The following ITGA11 variants were observed in gnomAD, a reference collection of about 807,000 sequenced individuals.
The protein encoded by ITGA11 is integrin alpha-11.
In ITGA11, 97 loss-of-function variants were observed where a neutral mutation model predicts 141.9. That is an observed-to-expected ratio of 0.68 (90% confidence interval 0.58 to 0.81). The LOEUF (loss-of-function observed/expected upper bound fraction) is 0.81, where lower values mean the gene tolerates loss of function less well. Ranked by LOEUF, ITGA11 falls within the 30% of genes least tolerant of loss-of-function variation. The pLI is 0.00. For synonymous variants in ITGA11, 658 were observed against 624.6 expected, an observed-to-expected ratio of 1.05 and a Z score of -0.80; for missense variants, 1,387 against 1,559.2, an observed-to-expected ratio of 0.89 and a Z score of 1.86.
chr15:68,349,601 T>C (rs1477170649), intron 9 of ITGA11, among the ~76,000 whole-genome samples: 2 of 152,238 alleles, frequency 1.3e-5, no homozygotes, highest in Non-Finnish European at 2.9e-5. Context: ...CGTGTGTCTG[T>C]GGCTTGTCAT....
At chr15:68,388,470 A>T (rs1896038199) in intron 2 of ITGA11, among the ~76,000 whole-genome samples, 1 of 152,116 alleles carries the variant, frequency 6.6e-6, no homozygotes. Context: ...TACCCTGCTT[A>T]ATGTTTTTCC....
In ITGA11 at chr15:68,303,942, G is replaced by T. The variant is rs952227579; in HGVS notation, c.3382-57C>A. 2 of 1,138,060 alleles carry T rather than the reference G, an allele frequency of 1.8e-6. No homozygotes were observed. Among genetic ancestry groups the T allele is most frequent in the Admixed American group, 1.7e-5 (1 of 57,394 alleles). The allele number at this position is 1,138,060 out of a possible 1,614,324, so 70.5% of individuals were successfully genotyped here. A position where few individuals can be genotyped will look rare whatever the true frequency, so the allele number is the denominator to read the frequency against. Reference sequence around the variant, plus strand: ...TTACTCTTCTGGGGCTGGGGTGGCAGTCTGGGAGGGGCAGGAGGGTGGAGA... The same window carrying T: ...TTACTCTTCTGGGGCTGGGGTGGCATTCTGGGAGGGGCAGGAGGGTGGAGA... On this transcript the variant is annotated intron_variant, in intron 28 of 29. Coordinates refer to ENST00000315757, the MANE Select transcript of ITGA11 (RefSeq NM_001004439.2). The surrounding 1 kb of genome is among the most constrained non-coding windows in gnomAD (Gnocchi z 5.3).
At position 68,305,205 on chromosome 15, in the gene ITGA11, C is replaced by G. The variant is rs1053901883; in HGVS notation, c.3382-1320G>C. On this transcript the variant is annotated intron_variant, in intron 28 of 29. Transcript: ENST00000315757. The surrounding 1 kb of genome is among the most constrained non-coding windows in gnomAD (Gnocchi z 4.6). ...CGTGCCTGCTGTAGGCATTGCTATT[C>G]CCTCTGCCTGCAAGGGTTTCCCTCA... 2.6e-5 allele frequency among the ~76,000 whole-genome samples: 4 copies of G among 152,210 alleles called. No homozygotes were observed. The South Asian group carries it at 6.2e-4, about 24-fold the overall frequency.
chr15:68,399,611 G>A (rs1037310829), intron 2 of ITGA11, among the ~76,000 whole-genome samples: 1 of 152,012 alleles, frequency 6.6e-6, no homozygotes, highest in African/African-American at 2.4e-5. Context: ...TATACACCAC[G>A]GAATACTACA....
intron 2 of ITGA11, among the ~76,000 whole-genome samples, chr15:68,383,014 G>A (rs887978121): frequency 6.6e-5 from 10 of 152,226 alleles, no homozygotes; most frequent in Non-Finnish European, 1.3e-4. Flanking sequence ...GCTCACGCCT[G>A]TAATCTCAGC....
intron 1 of ITGA11, among the ~76,000 whole-genome samples, chr15:68,423,147 G>A (rs7165603): frequency 0.67 from 102,239 of 151,788 alleles, 34,800 homozygotes; most frequent in African/African-American, 0.76. Context: ...TATGTCTCGC[G>A]CTGTGCAAGA....
intron 23 of ITGA11, among the ~76,000 whole-genome samples, 171 bp downstream of exon 23, chr15:68,313,608 A>T (rs1893466839): frequency 6.6e-6 from 1 of 151,824 alleles, no homozygotes; most frequent in Non-Finnish European, 1.5e-5. Flanking sequence ...CCCACATTGG[A>T]TGGGGGTGCT....
intron 2 of ITGA11, among the ~76,000 whole-genome samples, chr15:68,401,175 A>C (rs1367556941): frequency 6.6e-6 from 1 of 151,460 alleles, no homozygotes; most frequent in Non-Finnish European, 1.5e-5. Flanking sequence ...ACACACAACT[A>C]GAATGACTAA....
chr15:68,356,254 C>A (rs1055302105), intron 7 of ITGA11, among the ~76,000 whole-genome samples: 31 of 151,628 alleles, frequency 2.0e-4, no homozygotes, highest in African/African-American at 7.5e-4. Context: ...TGCCGCCATG[C>A]CCGGCTAATT....
chr15:68,327,756 G>GGCTGCCTCTTCC (rs113619703), intron 16 of ITGA11, among the ~76,000 whole-genome samples: 1 of 151,730 alleles, frequency 6.6e-6, no homozygotes, highest in African/African-American at 2.4e-5. Context: ...GGACTCCTGG[G>GGCTGCCTCTTCC]TCTGCATCCA....
At position 68,395,784 on chromosome 15, in the gene ITGA11, A is replaced by G. The variant is rs137931883; in HGVS notation, c.164+7134T>C. Among the ~76,000 whole-genome samples the G allele has an allele frequency of 2.1e-3, 305 of 142,052 alleles. 3 individuals are homozygous for G. The highest frequency in any genetic ancestry group is 7.9e-3 in the African/African-American group (293 of 36,914). 93.2% of individuals were successfully genotyped at this position (142,052 alleles called of 152,430 possible). On this transcript the variant is annotated intron_variant, in intron 2 of 29. Coordinates refer to ENST00000315757, the MANE Select transcript of ITGA11 (RefSeq NM_001004439.2). ...AATACCTAATGTAAATGACGAGTCA[A>G]TGGGTGCAGCAAACCAACATGGCAC...
chr15:68,373,938 T>A (rs1377103906), intron 2 of ITGA11, among the ~76,000 whole-genome samples: 2 of 152,194 alleles, frequency 1.3e-5, no homozygotes, highest in East Asian at 3.8e-4. Context: ...ACTGGGCTTT[T>A]CAGACATAGG....
intron 9 of ITGA11, among the ~76,000 whole-genome samples, chr15:68,350,373 A>AG (rs11438057): frequency 0.14 from 21,544 of 151,946 alleles, 3,028 homozygotes; most frequent in African/African-American, 0.37. Context: ...TTTTTTTTAA[A>AG]GAGACGAGGT....
At chr15:68,364,366 G>A (rs1487690377) in intron 4 of ITGA11, among the ~76,000 whole-genome samples, 1 of 152,148 alleles carries the variant, frequency 6.6e-6, no homozygotes, top group Non-Finnish European at 1.5e-5. Context: ...CCAAGGAAAG[G>A]GACAGTCCCC....
chr15:68,296,740 A>G lies in ITGA11; in HGVS notation c.*6319T>C, dbSNP rs1325477745. ...TTGTATCCAAAGTTTACATTTTTCT[A>G]TAGTCAAATTTATCACAATTTAAAA... On this transcript the variant is annotated 3_prime_UTR_variant, in exon 30 of 30. Coordinates refer to ENST00000315757, the MANE Select transcript of ITGA11 (RefSeq NM_001004439.2). 6 of 151,618 alleles carry G rather than the reference A, an allele frequency of 4.0e-5. No homozygotes were observed. Among genetic ancestry groups the G allele is most frequent in the East Asian group, 1.9e-4 (1 of 5,164 alleles). 9.4% of individuals were successfully genotyped at this position (151,618 alleles called of 1,614,324 possible). A position where few individuals can be genotyped will look rare whatever the true frequency, so the allele number is the denominator to read the frequency against.
rs116357889 is a variant in ITGA11 at position 68,342,754 on chromosome 15, C to T, written c.1132-3110G>A. 3.0e-3 allele frequency among the ~76,000 whole-genome samples: 464 copies of T among 152,336 alleles called. 1 individual carries two copies. The highest frequency in any genetic ancestry group is 0.011 in the African/African-American group (449 of 41,566). ...TGCCCTAGGTGATATTTGCTTGTTA[C>T]AGCTGGGGGTAGTGGTGGGGGTGCT... On this transcript the variant is annotated intron_variant, in intron 10 of 29. Transcript: ENST00000315757.
chr15:68,380,629 C>T (rs887305550), intron 2 of ITGA11, among the ~76,000 whole-genome samples: 2 of 152,134 alleles, frequency 1.3e-5, no homozygotes, highest in African/African-American at 4.8e-5. Context: ...TGGACAGAGG[C>T]TTGCATAATG....
At chr15:68,389,891 A>G (rs1483076753) in intron 2 of ITGA11, among the ~76,000 whole-genome samples, 5 of 152,170 alleles carry the variant, frequency 3.3e-5, no homozygotes, top group Admixed American at 2.0e-4. Context: ...TTCCTGCTTC[A>G]GGGGACCAAA....
chr15:68,333,466 T>G lies in ITGA11; in HGVS notation c.1426-988A>C, dbSNP rs534415533. Among the ~76,000 whole-genome samples, 14 of 152,316 alleles carry G rather than the reference T, an allele frequency of 9.2e-5. No individual in the cohort carries two copies. The highest frequency in any genetic ancestry group is 3.4e-4 in the African/African-American group (14 of 41,560). ...GTGAATTATGATTTCTTTCAGTGTCTGAGCACTTGCTGTGTTCCCCTTCTG... is the reference window on the plus strand; with the variant it reads ...GTGAATTATGATTTCTTTCAGTGTCGGAGCACTTGCTGTGTTCCCCTTCTG... On this transcript the variant is annotated intron_variant, in intron 12 of 29. Coordinates refer to ENST00000315757, the MANE Select transcript of ITGA11 (RefSeq NM_001004439.2). This position sits in a 1 kb window ranked among gnomAD's most constrained non-coding sequence, Gnocchi z 4.2.
Sources: allele counts gnomAD v4.1 joint callset (sites outside exome capture counted in the v4.1 genomes callset), GRCh38; gene constraint gnomAD v4.1.1; non-coding constraint Gnocchi (gnomAD v3.1); transcripts MANE v1.5; gene names NCBI Gene and HGNC (gene_info 2026-07-23, HGNC 2026-07-21).